Variants in PLXNA4 observed in about 807,000 individuals in gnomAD.
PLXNA4 encodes the protein plexin-A4.
PLXNA4 carries 44 observed loss-of-function variants against 191.8 expected under a neutral mutation model. The observed-to-expected ratio is 0.23, with a 90% CI of 0.18 to 0.29. PLXNA4 has a LOEUF of 0.29. PLXNA4 is among the 10% of genes least tolerant of loss of function. The probability of loss-of-function intolerance (pLI) is 1.00; values close to 1 mark genes in which losing one functional copy is unlikely to be tolerated. For missense variants in PLXNA4, 1,800 were observed against 2,488.8 expected, an observed-to-expected ratio of 0.72 and a Z score of 5.89; for synonymous variants, 1,082 against 1,009.5, an observed-to-expected ratio of 1.07 and a Z score of -1.36.
chr7:132,441,953 G>T (rs1795715031), intron 3 of PLXNA4, among the ~76,000 whole-genome samples: 1 of 152,166 alleles, frequency 6.6e-6, no homozygotes, highest in Non-Finnish European at 1.5e-5. Flanking sequence ...GAAGTGGCAT[G>T]CCACCAATGC....
At chr7:132,203,753 C>G (rs900244029) in intron 10 of PLXNA4, among the ~76,000 whole-genome samples, 3 of 152,210 alleles carry the variant, frequency 2.0e-5, no homozygotes, top group Non-Finnish European at 4.4e-5. Flanking sequence ...CTCCCATCCC[C>G]TGGAATTTCC....
intron 2 of PLXNA4, among the ~76,000 whole-genome samples, chr7:132,614,900 G>T (rs911894742): frequency 1.1e-4 from 17 of 152,190 alleles, no homozygotes; most frequent in African/African-American, 3.9e-4. Context: ...TGGGAAGGTC[G>T]CCTGTGTCCC....
At chr7:132,607,137 A>T (rs1437938203) in intron 2 of PLXNA4, among the ~76,000 whole-genome samples, 2 of 152,216 alleles carry the variant, frequency 1.3e-5, no homozygotes, top group African/African-American at 4.8e-5. Context: ...AGACTAACCA[A>T]AACAAAGATT....
chr7:132,384,213 C>T (rs1049265497), intron 3 of PLXNA4: 2 of 985,412 alleles, frequency 2.0e-6, no homozygotes, highest in Non-Finnish European at 2.4e-6. Context: ...AGGAACTATA[C>T]GAGGTTTAGT....
chr7:132,176,560 G>A (rs1389386938), intron 20 of PLXNA4, among the ~76,000 whole-genome samples: 4 of 152,118 alleles, frequency 2.6e-5, no homozygotes, highest in Non-Finnish European at 5.9e-5. Flanking sequence ...GTGTGAGCAT[G>A]TCAGGGAGTG....
intron 22 of PLXNA4, among the ~76,000 whole-genome samples, chr7:132,165,816 C>G (rs1479065304): frequency 2.0e-5 from 3 of 152,046 alleles, no homozygotes; most frequent in Non-Finnish European, 4.4e-5. Flanking sequence ...GTCAGATGGC[C>G]AAACTGAGTC....
chr7:132,534,603 G>A (rs922868310), intron 1 of PLXNA4, among the ~76,000 whole-genome samples: 1 of 152,220 alleles, frequency 6.6e-6, no homozygotes, highest in African/African-American at 2.4e-5. Flanking sequence ...GAGAGCAGCC[G>A]GGAGCTGGAG....
rs376529616 is a variant in PLXNA4 at position 132,507,853 on chromosome 7, C to T, written c.841G>A (p.Val281Met). Residue 281 changes from valine (V) to methionine (M), a missense_variant, in exon 2 of 32, where the codon GTG becomes ATG. Val to Met is a conservative substitution (Grantham distance 21, BLOSUM62 1). Transcript: ENST00000321063. Reference protein sequence around the residue: ...TKEQVYTSKLVRLCKEDTAFN... With the variant: ...TKEQVYTSKLMRLCKEDTAFN... ...GCTGTGTCCTCCTTGCAAAGCCTCA[C>T]GAGCTTGGATGTATACACCTGCTCC... 5.3e-5 allele frequency: 86 copies of T among 1,614,032 alleles called. No homozygotes were observed. Among genetic ancestry groups the T allele is most frequent in the South Asian group, 9.9e-5 (9 of 91,084 alleles).
At chr7:132,484,966 T>C in intron 3 of PLXNA4, 2 of 1,614,022 alleles carry the variant, frequency 1.2e-6, no homozygotes, top group South Asian at 2.2e-5. Flanking sequence ...CTCCCTCCAC[T>C]CCAATCCACT....
chr7:132,201,735 G>T (rs968182177), intron 12 of PLXNA4, among the ~76,000 whole-genome samples: 6 of 152,242 alleles, frequency 3.9e-5, no homozygotes, highest in Non-Finnish European at 8.8e-5. Context: ...TTAAGAGGGA[G>T]CAAGGGACTC....
intron 3 of PLXNA4, among the ~76,000 whole-genome samples, chr7:132,398,463 G>A (rs942240242): frequency 4.6e-5 from 7 of 152,186 alleles, no homozygotes; most frequent in African/African-American, 7.2e-5. Context: ...CTGGGTGTGC[G>A]GGAGTCAGCT....
At chr7:132,410,990 A>G (rs1282104496) in intron 3 of PLXNA4, among the ~76,000 whole-genome samples, 1 of 152,202 alleles carries the variant, frequency 6.6e-6, no homozygotes. Context: ...TGCTTTGGCC[A>G]TCATCCCGAT....
chr7:132,498,592 C>T (rs996974806), intron 2 of PLXNA4, among the ~76,000 whole-genome samples: 1 of 152,180 alleles, frequency 6.6e-6, no homozygotes, highest in Non-Finnish European at 1.5e-5. Context: ...TGGATGGGGA[C>T]ATAGCCAAAC....
Position 132,611,235 on chromosome 7 carries a change from A to G in PLXNA4, c.-87+34693T>C, listed in dbSNP as rs532091172. ...TAAATATGTCGCCTCTGGACCTGCC[A>G]TTCCTTAAGAAACATCTGCTCCCCA... On this transcript the variant is annotated intron_variant, in intron 2 of 4. Transcript: ENST00000378539. 4.6e-5 allele frequency among the ~76,000 whole-genome samples: 7 copies of G among 152,358 alleles called. No individual in the cohort carries two copies. The East Asian group carries it at 1.2e-3, about 25-fold the overall frequency.
intron 4 of PLXNA4, among the ~76,000 whole-genome samples, chr7:132,280,803 G>T (rs1057404349): frequency 2.0e-5 from 3 of 152,264 alleles, no homozygotes; most frequent in African/African-American, 7.2e-5. Flanking sequence ...TTGAGGTAAA[G>T]TTAATTTATA....
chr7:132,264,699 T>C (rs1236422766), intron 4 of PLXNA4, among the ~76,000 whole-genome samples: 4 of 150,938 alleles, frequency 2.7e-5, no homozygotes, highest in East Asian at 1.9e-4. Context: ...TTTTTTTTTT[T>C]TTTCTTTTTC....
At chr7:132,494,979 G>T (rs1228491267) in intron 2 of PLXNA4, among the ~76,000 whole-genome samples, 2 of 152,098 alleles carry the variant, frequency 1.3e-5, no homozygotes, top group Non-Finnish European at 2.9e-5. Context: ...ACAGTGGGGG[G>T]ATCTCCCCAA....
intron 3 of PLXNA4, among the ~76,000 whole-genome samples, chr7:132,461,159 T>C (rs757315787): frequency 2.6e-5 from 4 of 152,150 alleles, no homozygotes; most frequent in Admixed American, 1.3e-4. Flanking sequence ...AGAAATATGC[T>C]TGGCTTTGAG....
At chr7:132,285,736 G>A (rs1257094645) in intron 4 of PLXNA4, among the ~76,000 whole-genome samples, 1 of 152,234 alleles carries the variant, frequency 6.6e-6, no homozygotes, top group Non-Finnish European at 1.5e-5. Flanking sequence ...AGTGTAAAAT[G>A]TACTTAAGTA....
Sources: allele counts gnomAD v4.1 joint callset (sites outside exome capture counted in the v4.1 genomes callset), GRCh38; gene constraint gnomAD v4.1.1; transcripts MANE v1.5; gene names NCBI Gene and HGNC (gene_info 2026-07-23, HGNC 2026-07-21).